The following PCA3 variants were observed in gnomAD, a reference collection of about 807,000 sequenced individuals.
PCA3 encodes the protein Differential Display code 3.
chr9:76,774,054 A>C (rs2053417725), intron 2 of PCA3, among the ~76,000 whole-genome samples: 1 of 152,232 alleles, frequency 6.6e-6, no homozygotes, highest in African/African-American at 2.4e-5. Flanking sequence ...GGTCATTTCA[A>C]ATAATAATTA....
At chr9:76,782,711 A>C (rs1417360) in intron 2 of PCA3, 94,843 of 152,042 alleles carry the variant, frequency 0.62, 30,158 homozygotes, top group African/African-American at 0.75. Context: ...ACACCAAGAT[A>C]AATAAGTGAA....
intron 2 of PCA3, among the ~76,000 whole-genome samples, chr9:76,777,237 G>T (rs939499830): frequency 3.9e-5 from 6 of 152,206 alleles, no homozygotes; most frequent in Admixed American, 2.6e-4. Flanking sequence ...ATTCCACAAT[G>T]AAGTAGGAGA....
rs1025656155 is a variant in PCA3, at chr9:76,780,462, C to T, written n.853-28121C>T. Among the ~76,000 whole-genome samples, 12 of 152,016 alleles carry T rather than the reference C, an allele frequency of 7.9e-5. 1 individual carries two copies. The highest frequency in any genetic ancestry group is 2.1e-4 in the South Asian group (1 of 4,814). On this transcript the variant is annotated intron_variant and non_coding_transcript_variant, in intron 2 of 5. Coordinates refer to ENST00000644657, the Ensembl canonical transcript of PCA3. ...CAGCACTTTGGGAGGCCGAGGCGGGCGGATCACGAGGCCAGGAGATCAAGA... is the reference window on the plus strand; with the variant it reads ...CAGCACTTTGGGAGGCCGAGGCGGGTGGATCACGAGGCCAGGAGATCAAGA...
At chr9:76,778,689 G>A (rs1471984649) in intron 2 of PCA3, 1 of 152,144 alleles carries the variant, frequency 6.6e-6, no homozygotes, top group Non-Finnish European at 1.5e-5. Flanking sequence ...CTATAAAGTG[G>A]GATATAGTAT....
rs867157596 is a variant in PCA3, at chr9:76,774,464, T to A, written n.853-34119T>A. ...CCAGTTCAACCCTTTTTTTTTTTTT[T>A]TTTTTTTTTTTTTGAGATGGAGTCT... On this transcript the variant is annotated intron_variant and non_coding_transcript_variant, in intron 2 of 5. Coordinates refer to ENST00000644657, the Ensembl canonical transcript of PCA3. Among the ~76,000 whole-genome samples the A allele has an allele frequency of 2.6e-3, 378 of 142,788 alleles. 2 individuals are homozygous for A. The highest frequency in any genetic ancestry group is 4.2e-3 in the Non-Finnish European group (269 of 64,716). 93.7% of individuals were successfully genotyped at this position (142,788 alleles called of 152,430 possible). A position where few individuals can be genotyped will look rare whatever the true frequency, so the allele number is the denominator to read the frequency against.
In PCA3 at chr9:76,774,473, T is replaced by A. The variant is rs796170133; in HGVS notation, n.853-34110T>A. On this transcript the variant is annotated intron_variant and non_coding_transcript_variant, in intron 2 of 5. Coordinates refer to ENST00000644657, the Ensembl canonical transcript of PCA3. ...CCCTTTTTTTTTTTTTTTTTTTTTT[T>A]TTTTGAGATGGAGTCTCACTTCTTG... Among the ~76,000 whole-genome samples, 1,089 of 146,936 alleles carry A rather than the reference T, an allele frequency of 7.4e-3. 21 individuals carry two copies. Among genetic ancestry groups the A allele is most frequent in the South Asian group, 0.024 (109 of 4,516 alleles).
At chr9:76,779,968 C>G (rs993909284) in intron 2 of PCA3, 1 of 152,152 alleles carries the variant, frequency 6.6e-6, no homozygotes, top group Non-Finnish European at 1.5e-5. Flanking sequence ...GACAGGGATT[C>G]AACTAGAAAT....
chr9:76,764,478 CA>C (rs1286792305), intron 2 of PCA3: 1 of 152,152 alleles, frequency 6.6e-6, no homozygotes, highest in Non-Finnish European at 1.5e-5. Context: ...ATCAGAAAAA[CA>C]GAGGGGAGAT....
At chr9:76,765,636 C>T (rs2052278411) in intron 2 of PCA3, among the ~76,000 whole-genome samples, 1 of 152,180 alleles carries the variant, frequency 6.6e-6, no homozygotes, top group African/African-American at 2.4e-5. Flanking sequence ...CTCCACCCAT[C>T]CTTCCCTCCA....
At chr9:76,775,364 A>G (rs957508222) in intron 2 of PCA3, among the ~76,000 whole-genome samples, 4 of 152,102 alleles carry the variant, frequency 2.6e-5, no homozygotes, top group African/African-American at 9.7e-5. Context: ...TTGCACGATC[A>G]CAGTTCACTG....
intron 2 of PCA3, among the ~76,000 whole-genome samples, chr9:76,768,583 A>ATG (rs55793596): frequency 0.11 from 11,553 of 103,096 alleles, 510 homozygotes; most frequent in East Asian, 0.24. Flanking sequence ...ATGTATATGT[A>ATG]TGTGTGTGTG....
In PCA3 at chr9:76,771,226, T is replaced by C. The variant is rs139128603; in HGVS notation, n.852+34611T>C. ...AATTTTGATAACTGGTGATCAAATA[T>C]ATGTTTTTGCATCTTAAATATATTT... On this transcript the variant is annotated intron_variant and non_coding_transcript_variant, in intron 2 of 5. Coordinates refer to ENST00000644657, the Ensembl canonical transcript of PCA3. Among the ~76,000 whole-genome samples, 405 of 152,308 alleles carry C rather than the reference T, an allele frequency of 2.7e-3. 1 individual carries two copies. The highest frequency in any genetic ancestry group is 9.4e-3 in the African/African-American group (390 of 41,554).
intron 2 of PCA3, among the ~76,000 whole-genome samples, chr9:76,771,786 G>T (rs1170447709): frequency 6.6e-6 from 1 of 152,186 alleles, no homozygotes; most frequent in Non-Finnish European, 1.5e-5. Flanking sequence ...TTATTTCCCA[G>T]AGGGAGAGGC....
chr9:76,777,093 C>G (rs2053887446), intron 2 of PCA3, among the ~76,000 whole-genome samples: 1 of 151,924 alleles, frequency 6.6e-6, no homozygotes, highest in Admixed American at 6.6e-5. Flanking sequence ...CCCCATAGCC[C>G]TTGAGGTTGT....
chr9:76,782,024 C>T (rs1366870663), intron 2 of PCA3, among the ~76,000 whole-genome samples: 1 of 152,082 alleles, frequency 6.6e-6, no homozygotes. Flanking sequence ...ACCATCCTGG[C>T]TAACACGGTG....
At chr9:76,776,518 C>CTTTTTTTTTTTTTTTTTTTT (rs796197139) in intron 2 of PCA3, among the ~76,000 whole-genome samples, 5 of 122,856 alleles carry the variant, frequency 4.1e-5, no homozygotes, top group African/African-American at 9.1e-5. Context: ...TTTCTTTTTT[C>CTTTTTTTTTTTTTTTTTTTT]TTTTTTTTTT....
chr9:76,768,579 A>ATG (rs1491333441), intron 2 of PCA3, among the ~76,000 whole-genome samples: 13 of 100,510 alleles, frequency 1.3e-4, no homozygotes, highest in East Asian at 1.0e-3. Context: ...ATATATGTAT[A>ATG]TGTATGTGTG....
At chr9:76,780,483 C>G (rs1354758057) in intron 2 of PCA3, among the ~76,000 whole-genome samples, 2 of 151,992 alleles carry the variant, frequency 1.3e-5, no homozygotes, top group African/African-American at 4.8e-5. Context: ...GCCAGGAGAT[C>G]AAGACCATCC....
chr9:76,779,355 A>T (rs2131156359), intron 2 of PCA3, among the ~76,000 whole-genome samples: 1 of 152,262 alleles, frequency 6.6e-6, no homozygotes, highest in South Asian at 2.1e-4. Flanking sequence ...AAGGACAAAG[A>T]TCTGTAAATT....
Sources: gnomAD v4.1 joint callset for allele counts (sites outside exome capture counted in the v4.1 genomes callset) on GRCh38, gnomAD v4.1.1 for gene constraint, MANE v1.5 for transcripts, NCBI Gene and HGNC (gene_info 2026-07-23, HGNC 2026-07-21) for gene names.